Variants in SS18 observed in about 807,000 individuals in gnomAD.
SS18 encodes SS18 subunit of BAF chromatin remodeling complex.
A neutral mutation model predicts 72.5 loss-of-function variants in SS18; 28 were observed. The ratio of observed to expected loss-of-function variants is 0.39; its 90% CI spans 0.29 to 0.53. SS18 has a LOEUF of 0.53. SS18 is among the 20% of genes least tolerant of loss of function. SS18 has a pLI of 0.76. For missense variants in SS18, 518 were observed against 535.3 expected, an observed-to-expected ratio of 0.97 and a Z score of 0.32; for synonymous variants, 172 against 164.2, an observed-to-expected ratio of 1.05 and a Z score of -0.37.
chr18:26,040,477 T>G (rs1028779299), intron 5 of SS18, among the ~76,000 whole-genome samples: 2 of 152,144 alleles, frequency 1.3e-5, no homozygotes, highest in African/African-American at 4.8e-5. Flanking sequence ...TTGAGTGACA[T>G]GGAGAAAATT....
chr18:26,042,877 C>CTA (rs2053754059), intron 5 of SS18, among the ~76,000 whole-genome samples: 1 of 151,878 alleles, frequency 6.6e-6, no homozygotes, highest in African/African-American at 2.4e-5. Flanking sequence ...TACAAATATT[C>CTA]TATATATATA....
chr18:26,036,310 G>A (rs1364119986), intron 7 of SS18, among the ~76,000 whole-genome samples: 1 of 152,098 alleles, frequency 6.6e-6, no homozygotes, highest in East Asian at 1.9e-4. Flanking sequence ...CTGTTCTGCT[G>A]GTCTCCAATT....
At chr18:26,064,291 A>C (rs970243254) in intron 3 of SS18, among the ~76,000 whole-genome samples, 6 of 152,164 alleles carry the variant, frequency 3.9e-5, no homozygotes, top group African/African-American at 1.4e-4. Context: ...TCAGTTCCCA[A>C]TTCTTTATGA....
At position 26,018,279 on chromosome 18, in the gene SS18, C is replaced by G; in HGVS notation, c.*75G>C. On this transcript the variant is annotated 3_prime_UTR_variant, in exon 11 of 11. Transcript: ENST00000415083. Reference sequence around the variant, plus strand: ...TAGATGGAATGGAAGGATCTCTTCACAGGGAGGTGTCCACAGTGCTGAGGT... The same window carrying G: ...TAGATGGAATGGAAGGATCTCTTCAGAGGGAGGTGTCCACAGTGCTGAGGT... The G allele has an allele frequency of 7.8e-7, 1 of 1,278,760 alleles. No homozygotes were observed. Among genetic ancestry groups the G allele is most frequent in the Non-Finnish European group, 1.1e-6 (1 of 895,382 alleles). 79.2% of individuals were successfully genotyped at this position (1,278,760 alleles called of 1,614,324 possible).
At position 26,035,234 on chromosome 18, in the gene SS18, T is replaced by C; in HGVS notation, c.974-107A>G. The C allele has an allele frequency of 1.6e-6, 2 of 1,275,048 alleles. No individual in the cohort carries two copies. The highest frequency in any genetic ancestry group is 2.1e-6 in the Non-Finnish European group (2 of 937,050). The allele number at this position is 1,275,048 out of a possible 1,614,324, so 79.0% of individuals were successfully genotyped here. ...AACACAAGAACAAAATGAAATGCCATATTGATTTTTAGAAGTTAACAAAAC... is the reference window on the plus strand; with the variant it reads ...AACACAAGAACAAAATGAAATGCCACATTGATTTTTAGAAGTTAACAAAAC... On this transcript the variant is annotated intron_variant, in intron 8 of 10. Coordinates refer to ENST00000415083, the MANE Select transcript of SS18 (RefSeq NM_001007559.3). The surrounding 1 kb of genome is among the most constrained non-coding windows in gnomAD (Gnocchi z 4.4).
intron 3 of SS18, among the ~76,000 whole-genome samples, chr18:26,073,308 T>C (rs1044004915): frequency 2.0e-5 from 3 of 152,148 alleles, no homozygotes; most frequent in Non-Finnish European, 4.4e-5. Context: ...GAACTATGAT[T>C]AGAGGAAAAC....
At chr18:26,047,685 C>CA (rs1038453865) in intron 5 of SS18, among the ~76,000 whole-genome samples, 3 of 151,288 alleles carry the variant, frequency 2.0e-5, no homozygotes, top group South Asian at 2.1e-4. Flanking sequence ...ACCAAAAATA[C>CA]AAAAAAAATT....
chr18:26,020,378 C>T (rs1035550397), intron 10 of SS18, among the ~76,000 whole-genome samples: 8 of 152,130 alleles, frequency 5.3e-5, no homozygotes. Flanking sequence ...AAATCAGTGA[C>T]TCTCAATGAT....
chr18:26,067,664 A>C (rs1259003872), intron 3 of SS18, among the ~76,000 whole-genome samples: 2 of 152,230 alleles, frequency 1.3e-5, no homozygotes, highest in African/African-American at 2.4e-5. Flanking sequence ...AAAATGTTCA[A>C]GAATGGAGTA....
chr18:26,041,567 A>T (rs1753398749), intron 5 of SS18, among the ~76,000 whole-genome samples: 1 of 152,206 alleles, frequency 6.6e-6, no homozygotes, highest in African/African-American at 2.4e-5. Context: ...TTAAACACTA[A>T]CATTCATAAT....
intron 3 of SS18, among the ~76,000 whole-genome samples, chr18:26,064,375 TG>T (rs1194932466): frequency 6.6e-6 from 1 of 152,114 alleles, no homozygotes; most frequent in South Asian, 2.1e-4. Context: ...GACACAAAAA[TG>T]TTAAACAAAA....
intron 1 of SS18, among the ~76,000 whole-genome samples, chr18:26,088,689 T>C (rs1273870435): frequency 6.6e-6 from 1 of 152,168 alleles, no homozygotes; most frequent in Non-Finnish European, 1.5e-5. Context: ...GCAAGTCACT[T>C]AAGTTTTCAG....
chr18:26,039,845 C>T (rs1020788811), intron 5 of SS18, among the ~76,000 whole-genome samples: 2 of 152,108 alleles, frequency 1.3e-5, no homozygotes, highest in Non-Finnish European at 1.5e-5. Flanking sequence ...CAAAAGTAAA[C>T]TTTACAAAAT....
chr18:26,071,261 T>G lies in SS18; in HGVS notation c.231+6815A>C, dbSNP rs187045937. The stretch of plus-strand genomic sequence containing the variant: ...TCCCAACAGGCACCAAGCAAGATAA[T>G]TAGAAAGAAATCTTCCAATATCTAA... On this transcript the variant is annotated intron_variant, in intron 3 of 10. Transcript: ENST00000415083. 1.8e-4 allele frequency among the ~76,000 whole-genome samples: 27 copies of G among 152,208 alleles called. No homozygotes were observed. In the East Asian group the frequency reaches 5.2e-3, roughly 29 times the overall value.
At chr18:26,082,626 G>GT (rs1016368573) in intron 2 of SS18, 1 of 518,058 alleles carries the variant, frequency 1.9e-6, no homozygotes, top group Non-Finnish European at 2.5e-6. Flanking sequence ...ACATTCTCAC[G>GT]TGTGTTACCA....
In SS18 at chr18:26,069,188, G is replaced by A. The variant is rs556792946; in HGVS notation, c.231+8888C>T. On this transcript the variant is annotated intron_variant, in intron 3 of 10. Transcript: ENST00000415083. ...AATGTGTACCTATATCTTTATTATC[G>A]TCATCATCGCCAATATTCACTGAGT... 3.9e-5 allele frequency among the ~76,000 whole-genome samples: 6 copies of A among 151,928 alleles called. No individual in the cohort carries two copies. The South Asian group carries it at 6.2e-4, about 16-fold the overall frequency.
Position 26,078,122 on chromosome 18 carries a change from G to T in SS18, c.185C>A (p.Ala62Asp). The T allele has an allele frequency of 6.2e-7, 1 of 1,612,668 alleles. No homozygotes were observed. Among genetic ancestry groups the T allele is most frequent in the Non-Finnish European group, 8.5e-7 (1 of 1,179,434 alleles). ...ATTTTGATTAGAATCTGCTATTGTA[G>T]CAAGGTATACCAAGTTTGTGTGCAA... ...QMLHTNLVYL[A>D]TIADSNQNMQ... Residue 62 changes from alanine (A) to aspartate (D), a missense_variant, in exon 3 of 11, where the codon GCT (alanine) becomes GAT (aspartate). Coordinates refer to ENST00000415083, the MANE Select transcript of SS18 (RefSeq NM_001007559.3).
intron 6 of SS18, 38 bp downstream of exon 6, chr18:26,039,251 A>G (rs1390396801): frequency 1.8e-5 from 28 of 1,547,784 alleles, no homozygotes; most frequent in Non-Finnish European, 2.5e-5. Flanking sequence ...AAGCCTTTCA[A>G]TTACATTAAG....
chr18:26,080,804 A>G (rs1459722906), intron 2 of SS18, among the ~76,000 whole-genome samples: 3 of 152,126 alleles, frequency 2.0e-5, no homozygotes, highest in African/African-American at 4.8e-5. Context: ...ACAGACATAC[A>G]TATGCACTCA....
Sources: gnomAD v4.1 joint callset for allele counts (sites outside exome capture counted in the v4.1 genomes callset) on GRCh38, gnomAD v4.1.1 for gene constraint, Gnocchi (gnomAD v3.1) non-coding constraint, MANE v1.5 for transcripts, NCBI Gene and HGNC (gene_info 2026-07-23, HGNC 2026-07-21) for gene names.